Variants in B4GALNT2 observed in about 807,000 individuals in gnomAD.
B4GALNT2 encodes beta-1,4-N-acetyl-galactosaminyltransferase 2 (SID blood group).
B4GALNT2 carries 42 observed loss-of-function variants against 51.1 expected under a neutral mutation model. The ratio of observed to expected loss-of-function variants is 0.82; its 90% CI spans 0.64 to 1.06. B4GALNT2 has a LOEUF of 1.06. Among genes scored for constraint, B4GALNT2 ranks in the 50% least tolerant of loss-of-function variants. B4GALNT2 has a pLI of 0.00. For synonymous variants in B4GALNT2, 253 were observed against 251.7 expected (o/e 1.01, Z -0.05); for missense variants, 602 against 633.6 (o/e 0.95, Z 0.54).
intron 4 of B4GALNT2, among the ~76,000 whole-genome samples, chr17:49,155,296 T>C (rs1048381412): frequency 3.2e-5 from 2 of 61,664 alleles, no homozygotes; most frequent in Middle Eastern, 0.014. Context: ...AGATTCAGTC[T>C]CAAAAAAAAA....
intron 1 of B4GALNT2, among the ~76,000 whole-genome samples, chr17:49,139,296 T>C (rs1386577320): frequency 6.6e-6 from 1 of 152,150 alleles, no homozygotes; most frequent in African/African-American, 2.4e-5. Context: ...TGGAGTGCAG[T>C]GGTGCAGTTT....
intron 4 of B4GALNT2, 53 bp from the exon 5 acceptor site, chr17:49,156,513 A>G: frequency 1.3e-6 from 2 of 1,593,536 alleles, no homozygotes; most frequent in Admixed American, 3.4e-5. Context: ...AGCAGCGGGG[A>G]GCTGCGATGT....
the B4GALNT2 span, among the ~76,000 whole-genome samples, chr17:49,124,253 C>T: frequency 6.6e-6 from 1 of 152,190 alleles, no homozygotes; most frequent in Non-Finnish European, 1.5e-5. Flanking sequence ...AACGTTTTAG[C>T]TCTTCGAGAG....
chr17:49,137,626 T>G (rs1026694758), intron 1 of B4GALNT2, among the ~76,000 whole-genome samples: 3 of 152,198 alleles, frequency 2.0e-5, no homozygotes, highest in African/African-American at 7.2e-5. Flanking sequence ...GAGCATTGTT[T>G]CCTTTTAAAA....
At position 49,153,041 on chromosome 17, in the gene B4GALNT2, T is replaced by G. The variant is rs532152848; in HGVS notation, c.460+135T>G. ...GGAGTCCAAAGCAGGAGTTCAAGACTGCAGTGAGCTATCATCTTGCCAATA... is the reference window on the plus strand; with the variant it reads ...GGAGTCCAAAGCAGGAGTTCAAGACGGCAGTGAGCTATCATCTTGCCAATA... On this transcript the variant is annotated intron_variant, in intron 4 of 10. Coordinates refer to ENST00000393354, the MANE Select transcript of B4GALNT2 (RefSeq NM_001159387.2). The G allele has an allele frequency of 1.8e-4, 138 of 749,942 alleles. No individual in the cohort carries two copies. In the African/African-American group the frequency reaches 2.3e-3, roughly 12 times the overall value. The allele number at this position is 749,942 out of a possible 1,614,324, so 46.5% of individuals were successfully genotyped here. A position where few individuals can be genotyped will look rare whatever the true frequency, so the allele number is the denominator to read the frequency against.
the B4GALNT2 span, among the ~76,000 whole-genome samples, chr17:49,121,201 G>A: frequency 3.9e-5 from 6 of 152,142 alleles, no homozygotes; most frequent in Non-Finnish European, 8.8e-5. Context: ...TCTGAGCCAG[G>A]CCTGCGCAAG....
chr17:49,132,499 G>A (rs2177308), upstream of B4GALNT2: 191,264 of 367,112 alleles, frequency 0.52, 52,347 homozygotes, highest in Non-Finnish European at 0.56. Context: ...ACAGCATAGC[G>A]AGGAAGGAAC....
chr17:49,125,288 T>G, the B4GALNT2 span, among the ~76,000 whole-genome samples: 1 of 152,000 alleles, frequency 6.6e-6, no homozygotes, highest in Non-Finnish European at 1.5e-5. Context: ...GCCTCCCGAG[T>G]AGCTGGGATT....
chr17:49,148,708 C>A, intron 3 of B4GALNT2: 1 of 577,788 alleles, frequency 1.7e-6, no homozygotes. Context: ...TCTGCCAGCT[C>A]CAGGTGCTTA....
the B4GALNT2 span, among the ~76,000 whole-genome samples, chr17:49,120,484 C>CTGTGTGTGTGTG: frequency 6.9e-6 from 1 of 144,066 alleles, no homozygotes; most frequent in African/African-American, 2.6e-5. Context: ...GTGTGTGTGT[C>CTGTGTGTGTGTG]TGTGTGTGTG....
At chr17:49,148,666 C>T (rs2042720651) in intron 3 of B4GALNT2, 1 of 564,488 alleles carries the variant, frequency 1.8e-6, no homozygotes, top group Non-Finnish European at 3.3e-6. Context: ...GACTGCACAA[C>T]CTTCATGACA....
rs1422371355 is a variant in B4GALNT2 at position 49,174,026 on chromosome 17, GA to G, written c.*4301del. On this transcript the variant is annotated 3_prime_UTR_variant, in exon 11 of 11. Transcript: ENST00000393354. Reference sequence around the variant, plus strand: ...CAATTAATGTCCCCTGGTAATTTTTGAAAGTCATTTAATGTTTTCAGTTGAT... The same window carrying G: ...CAATTAATGTCCCCTGGTAATTTTTGAAGTCATTTAATGTTTTCAGTTGAT... The G allele has an allele frequency of 6.6e-6, 1 of 152,128 alleles. No individual in the cohort carries two copies. Among genetic ancestry groups the G allele is most frequent in the East Asian group, 1.9e-4 (1 of 5,198 alleles). The allele number at this position is 152,128 out of a possible 1,614,324, so 9.4% of individuals were successfully genotyped here. A position where few individuals can be genotyped will look rare whatever the true frequency, so the allele number is the denominator to read the frequency against.
Position 49,141,379 on chromosome 17 carries a change from G to T in B4GALNT2, c.147G>T (p.Pro49=). 1 of 1,614,124 alleles carries T rather than the reference G, an allele frequency of 6.2e-7. No homozygotes were observed. The highest frequency in any genetic ancestry group is 8.5e-7 in the Non-Finnish European group (1 of 1,180,018). The change falls in exon 2 of 11, where the codon CCG becomes CCT. Residue 49 remains proline, a synonymous_variant. Transcript: ENST00000393354. The stretch of plus-strand genomic sequence containing the variant: ...AGCCAGAACTCCCAAGTCCTGCCCC[G>T]GGTGTCCAGAAGCTGAAGCTTCTGC... ...SPKPELPSPA[P]GVQKLKLLPE... is the part of the protein sequence containing the mutation.
At chr17:49,135,364 G>A (rs1191533420) in intron 1 of B4GALNT2, among the ~76,000 whole-genome samples, 1 of 145,306 alleles carries the variant, frequency 6.9e-6, no homozygotes, top group Non-Finnish European at 1.5e-5. Flanking sequence ...TTTTTTTGAC[G>A]GAGTTTCACT....
chr17:49,157,472 C>T (rs547459827), intron 5 of B4GALNT2, among the ~76,000 whole-genome samples: 86 of 152,050 alleles, frequency 5.7e-4, no homozygotes, highest in Non-Finnish European at 9.7e-4. Flanking sequence ...AGGCATGCAC[C>T]ACTACACCCA....
the B4GALNT2 span, among the ~76,000 whole-genome samples, chr17:49,127,377 T>A: frequency 6.6e-6 from 1 of 152,234 alleles, no homozygotes; most frequent in Non-Finnish European, 1.5e-5. Flanking sequence ...GAGATAAGTA[T>A]GAAATTGCTT....
At chr17:49,161,146 G>A (rs1041138691) in intron 7 of B4GALNT2, among the ~76,000 whole-genome samples, 1 of 151,922 alleles carries the variant, frequency 6.6e-6, no homozygotes, top group South Asian at 2.1e-4. Flanking sequence ...GTGGTGGCAG[G>A]CACCTGTAAT....
At position 49,171,763 on chromosome 17, in the gene B4GALNT2, CGTT is replaced by C. The variant is rs1355429858; in HGVS notation, c.*2038_*2040del. On this transcript the variant is annotated 3_prime_UTR_variant, in exon 11 of 11. Transcript: ENST00000393354. ...CAATCAATAATGATTCCATAGGAAT[CGTT>C]GTGCAGCACCTCTACCTGTTCTGCA... 2 of 422,286 alleles carry C rather than the reference CGTT, an allele frequency of 4.7e-6. No homozygotes were observed. Among genetic ancestry groups the C allele is most frequent in the African/African-American group, 2.1e-5 (1 of 47,748 alleles). 26.2% of individuals were successfully genotyped at this position (422,286 alleles called of 1,614,324 possible).
the B4GALNT2 span, among the ~76,000 whole-genome samples, chr17:49,126,113 AAAG>A: frequency 2.0e-5 from 3 of 152,182 alleles, no homozygotes; most frequent in African/African-American, 7.2e-5. Context: ...GTCTGTGTAG[AAAG>A]AAGTAGACAT....
Sources: allele counts gnomAD v4.1 joint callset (sites outside exome capture counted in the v4.1 genomes callset), GRCh38; gene constraint gnomAD v4.1.1; transcripts MANE v1.5; gene names NCBI Gene and HGNC (gene_info 2026-07-23, HGNC 2026-07-21).